GLCE: variants seen among roughly 807,000 people sequenced by gnomAD.
The protein encoded by GLCE is D-glucuronyl C5-epimerase.
GLCE carries 19 observed loss-of-function variants against 47.9 expected under a neutral mutation model. That is an observed-to-expected ratio of 0.40 (90% CI 0.28 to 0.58). GLCE has a LOEUF of 0.58. Ranked by LOEUF, GLCE falls within the 20% of genes least tolerant of loss-of-function variation. GLCE has a pLI of 0.48. For missense variants in GLCE, 556 were observed against 743.3 expected, an observed-to-expected ratio of 0.75 and a Z score of 2.93; for synonymous variants, 245 against 263.4, an observed-to-expected ratio of 0.93 and a Z score of 0.68.
In GLCE at chr15:69,268,376, T is replaced by G. The variant is rs2053115590; in HGVS notation, c.986T>G (p.Leu329Arg). ...FTIHYVSNAQ[L>R]IAFKERDIYY... ...ATACATTATGTCTCAAATGCTCAGC[T>G]AATTGCTTTTAAAGAAAGAGATATA... is the stretch of plus-strand genomic sequence containing the variant. Residue 329 changes from leucine to arginine, a missense_variant, in exon 5 of 5, where the codon CTA becomes CGA. This residue lies in a region of GLCE where 245 missense variants were observed against 368.1 expected (regional missense o/e 0.67). Coordinates refer to ENST00000261858, the MANE Select transcript of GLCE (RefSeq NM_015554.3). 6.2e-7 allele frequency: 1 copy of G among 1,614,146 alleles called. No individual in the cohort carries two copies. Among genetic ancestry groups the G allele is most frequent in the East Asian group, 2.2e-5 (1 of 44,892 alleles).
intron 2 of GLCE, among the ~76,000 whole-genome samples, chr15:69,233,038 T>C (rs1456368442): frequency 6.6e-6 from 1 of 152,212 alleles, no homozygotes; most frequent in Non-Finnish European, 1.5e-5. Flanking sequence ...TTACTTAACA[T>C]TGATTATTAA....
At chr15:69,164,222 A>G (rs2051468530) in intron 1 of GLCE, among the ~76,000 whole-genome samples, 1 of 152,096 alleles carries the variant, frequency 6.6e-6, no homozygotes, top group East Asian at 1.9e-4. Context: ...CATACAAATA[A>G]TTTTATAGTT....
intron 1 of GLCE, among the ~76,000 whole-genome samples, chr15:69,166,582 A>G (rs989931891): frequency 6.6e-6 from 1 of 152,182 alleles, no homozygotes; most frequent in African/African-American, 2.4e-5. Context: ...GTTGGTCTAT[A>G]AGATTTTCTT....
intron 2 of GLCE, among the ~76,000 whole-genome samples, chr15:69,222,684 G>T (rs1429571029): frequency 6.6e-6 from 1 of 152,200 alleles, no homozygotes; most frequent in Non-Finnish European, 1.5e-5. Flanking sequence ...GATTATGCCA[G>T]TTTAGTTGAT....
At chr15:69,205,687 T>C (rs1369990763) in intron 1 of GLCE, among the ~76,000 whole-genome samples, 1 of 152,152 alleles carries the variant, frequency 6.6e-6, no homozygotes, top group African/African-American at 2.4e-5. Context: ...TTAGCCATTC[T>C]AATAGATTTG....
rs1002472456 is a variant in GLCE, at chr15:69,270,487, A to G, written c.*1243A>G. ...CAGTGTCTGCTATAGGGCTTCAGGC[A>G]TTAAATAAAACCGAGGGTTGTTGAT... On this transcript the variant is annotated 3_prime_UTR_variant, in exon 5 of 5. Coordinates refer to ENST00000261858, the MANE Select transcript of GLCE (RefSeq NM_015554.3). 7 of 152,186 alleles carry G rather than the reference A, an allele frequency of 4.6e-5. No individual in the cohort carries two copies. Among genetic ancestry groups the G allele is most frequent in the Non-Finnish European group, 7.3e-5 (5 of 68,038 alleles). The allele number at this position is 152,186 out of a possible 1,614,324, so 9.4% of individuals were successfully genotyped here. A position where few individuals can be genotyped will look rare whatever the true frequency, so the allele number is the denominator to read the frequency against.
chr15:69,216,637 T>TA (rs1461392793), intron 2 of GLCE, among the ~76,000 whole-genome samples: 7 of 152,130 alleles, frequency 4.6e-5, no homozygotes, highest in Non-Finnish European at 7.4e-5. Flanking sequence ...TTTCTATTTG[T>TA]TTGCTGTATA....
chr15:69,179,943 C>T (rs769813396), intron 1 of GLCE, among the ~76,000 whole-genome samples: 4 of 152,100 alleles, frequency 2.6e-5, no homozygotes, highest in South Asian at 2.1e-4. Flanking sequence ...GCTGTGAATG[C>T]GCCACTGCAC....
chr15:69,224,450 A>G (rs2052418298), intron 2 of GLCE, among the ~76,000 whole-genome samples: 1 of 152,246 alleles, frequency 6.6e-6, no homozygotes, highest in South Asian at 2.1e-4. Flanking sequence ...AGAAAAATAA[A>G]TACAGGAAGA....
At chr15:69,249,501 C>G (rs1349476462) in intron 2 of GLCE, among the ~76,000 whole-genome samples, 2 of 152,072 alleles carry the variant, frequency 1.3e-5, no homozygotes, top group Non-Finnish European at 2.9e-5. Context: ...CATCTACTTA[C>G]TCAGTATCAA....
chr15:69,181,244 A>C (rs948569132), intron 1 of GLCE, among the ~76,000 whole-genome samples: 1 of 152,218 alleles, frequency 6.6e-6, no homozygotes, highest in African/African-American at 2.4e-5. Flanking sequence ...ACTGCTAACT[A>C]TCTGAGTCTA....
chr15:69,195,862 C>A (rs1284783573), intron 1 of GLCE, among the ~76,000 whole-genome samples: 4 of 152,088 alleles, frequency 2.6e-5, no homozygotes, highest in Non-Finnish European at 5.9e-5. Context: ...ATATTAATAC[C>A]ATTCCTACTA....
intron 2 of GLCE, among the ~76,000 whole-genome samples, chr15:69,211,003 G>A (rs1388727040): frequency 6.6e-6 from 1 of 152,082 alleles, no homozygotes; most frequent in Non-Finnish European, 1.5e-5. Context: ...TGAAATGGTA[G>A]CTAACTGATT....
At chr15:69,162,101 A>G (rs1198317172) in intron 1 of GLCE, among the ~76,000 whole-genome samples, 1 of 152,206 alleles carries the variant, frequency 6.6e-6, no homozygotes, top group Non-Finnish European at 1.5e-5. Context: ...CAGCCTCCAG[A>G]AAACAATGGA....
chr15:69,236,299 G>A (rs1432353264), intron 2 of GLCE, among the ~76,000 whole-genome samples: 1 of 151,934 alleles, frequency 6.6e-6, no homozygotes, highest in East Asian at 1.9e-4. Flanking sequence ...GAGTCATATG[G>A]CCTTCTAACG....
At chr15:69,194,437 A>G (rs1412758584) in intron 1 of GLCE, 3 of 152,176 alleles carry the variant, frequency 2.0e-5, no homozygotes, top group East Asian at 1.9e-4. Context: ...TCTTCTTAGA[A>G]TATTAAAGGA....
chr15:69,174,256 A>G (rs889424746), intron 1 of GLCE, among the ~76,000 whole-genome samples: 25 of 152,196 alleles, frequency 1.6e-4, no homozygotes, highest in African/African-American at 5.8e-4. Context: ...GCTTTTAAAG[A>G]TGATGGCATA....
intron 1 of GLCE, among the ~76,000 whole-genome samples, chr15:69,188,478 A>T (rs986406139): frequency 6.6e-6 from 1 of 152,146 alleles, no homozygotes; most frequent in African/African-American, 2.4e-5. Flanking sequence ...GCCTTTTAGA[A>T]TTAGTATTAT....
chr15:69,209,182 C>T (rs1175502417), intron 1 of GLCE, among the ~76,000 whole-genome samples: 1 of 151,772 alleles, frequency 6.6e-6, no homozygotes, highest in African/African-American at 2.4e-5. Flanking sequence ...AATGTTTGCA[C>T]TTACTTGTTA....
Sources: allele counts gnomAD v4.1 joint callset (sites outside exome capture counted in the v4.1 genomes callset), GRCh38; gene constraint gnomAD v4.1.1; regional missense constraint gnomAD v4.1.1; transcripts MANE v1.5; gene names NCBI Gene and HGNC (gene_info 2026-07-23, HGNC 2026-07-21).